The following DNAJC11 variants were observed in gnomAD, a reference collection of about 807,000 sequenced individuals.
The protein encoded by DNAJC11 is dnaJ homolog subfamily C member 11.
A neutral mutation model predicts 78.6 loss-of-function variants in DNAJC11; 15 were observed. The observed-to-expected ratio is 0.19, with a 90% CI of 0.13 to 0.29. The LOEUF is 0.29. Among genes scored for constraint, DNAJC11 ranks in the 10% least tolerant of loss-of-function variants. The pLI, the probability that DNAJC11 is intolerant of heterozygous loss-of-function variation, is 1.00. For missense variants in DNAJC11, 547 were observed against 709.6 expected (o/e 0.77, Z 2.60); for synonymous variants, 292 against 272.1 (o/e 1.07, Z -0.72).
At chr1:6,699,613 G>T (rs2147889778) in intron 1 of DNAJC11, among the ~76,000 whole-genome samples, 1 of 152,326 alleles carries the variant, frequency 6.6e-6, no homozygotes, top group South Asian at 2.1e-4. Context: ...TAAAGGGAAA[G>T]AGACTTAAGG....
chr1:6,646,104 G>GA, intron 7 of DNAJC11, 126 bp from the exon 8 acceptor site: 1 of 913,340 alleles, frequency 1.1e-6, no homozygotes, highest in South Asian at 1.7e-5. Context: ...CCAGCTCCCA[G>GA]TAAAAAAAAA....
rs753742546 is a variant in DNAJC11 at position 6,634,507 on chromosome 1, G to GC, written c.*1167dup. The GC allele has an allele frequency of 1.4e-5, 19 of 1,349,724 alleles. No homozygotes were observed. The highest frequency in any genetic ancestry group is 9.4e-5 in the East Asian group (2 of 21,356). The allele number at this position is 1,349,724 out of a possible 1,614,324, so 83.6% of individuals were successfully genotyped here. ...GGGCTGGAGGCCGGCGCAGCTTGGG[G>GC]CCCCCCGCGCCAGCTGTCTCAGCCA... On this transcript the variant is annotated 3_prime_UTR_variant, in exon 16 of 16. Transcript: ENST00000377577.
At chr1:6,695,384 T>C (rs562644356) in intron 1 of DNAJC11, among the ~76,000 whole-genome samples, 18 of 152,042 alleles carry the variant, frequency 1.2e-4, no homozygotes, top group East Asian at 7.7e-4. Context: ...TACCTACTTA[T>C]GACAGGCAAT....
At chr1:6,698,554 A>G (rs1642876403) in intron 1 of DNAJC11, among the ~76,000 whole-genome samples, 1 of 152,036 alleles carries the variant, frequency 6.6e-6, no homozygotes, top group African/African-American at 2.4e-5. Context: ...GCAAGGGAGC[A>G]TGTTTCATAT....
intron 1 of DNAJC11, among the ~76,000 whole-genome samples, chr1:6,697,686 C>T (rs1222624008): frequency 5.3e-5 from 8 of 152,194 alleles, no homozygotes; most frequent in Non-Finnish European, 1.2e-4. Context: ...GGGTTGAGGA[C>T]CCCTGCTCTA....
intron 1 of DNAJC11, among the ~76,000 whole-genome samples, chr1:6,700,398 G>A (rs1018614447): frequency 5.3e-5 from 8 of 152,218 alleles, no homozygotes; most frequent in East Asian, 1.9e-4. Flanking sequence ...CTCTTCACAC[G>A]GACGCGCGTG....
chr1:6,681,474 T>C (rs1642551565), intron 1 of DNAJC11, among the ~76,000 whole-genome samples: 1 of 152,186 alleles, frequency 6.6e-6, no homozygotes, highest in Non-Finnish European at 1.5e-5. Flanking sequence ...ACATGAATCC[T>C]TGAAATTCAA....
chr1:6,636,964 T>G (rs1641788263), intron 14 of DNAJC11, among the ~76,000 whole-genome samples: 1 of 152,174 alleles, frequency 6.6e-6, no homozygotes, highest in Admixed American at 6.5e-5. Flanking sequence ...TCCTTCCGCT[T>G]CAGCCTCCCG....
intron 4 of DNAJC11, among the ~76,000 whole-genome samples, chr1:6,660,676 G>C (rs1470254408): frequency 6.6e-6 from 1 of 152,152 alleles, no homozygotes; most frequent in African/African-American, 2.4e-5. Context: ...ATTAAACCAA[G>C]TCAACGAAAG....
chr1:6,669,993 G>A (rs531444984), intron 3 of DNAJC11, among the ~76,000 whole-genome samples: 16 of 149,894 alleles, frequency 1.1e-4, no homozygotes, highest in South Asian at 2.1e-4. Context: ...TTGCTTTGTC[G>A]CCCAGGCTGG....
intron 3 of DNAJC11, among the ~76,000 whole-genome samples, chr1:6,674,272 GT>G (rs1377165368): frequency 6.6e-6 from 1 of 151,952 alleles, no homozygotes; most frequent in African/African-American, 2.4e-5. Flanking sequence ...TAAAAAAAAA[GT>G]GGGGGGGCTG....
At chr1:6,646,880 G>A (rs575531279) in intron 7 of DNAJC11, among the ~76,000 whole-genome samples, 2 of 152,080 alleles carry the variant, frequency 1.3e-5, no homozygotes, top group South Asian at 4.2e-4. Flanking sequence ...CAGTAGGCAG[G>A]CTCATTGGCT....
At chr1:6,650,088 C>T (rs1011376230) in intron 7 of DNAJC11, among the ~76,000 whole-genome samples, 4 of 145,206 alleles carry the variant, frequency 2.8e-5, no homozygotes, top group African/African-American at 1.0e-4. Context: ...GTTAAGAGAC[C>T]AGCCTGGCCA....
intron 13 of DNAJC11, 31 bp from the exon 14 acceptor site, chr1:6,637,371 T>G (rs775892167): frequency 6.2e-6 from 10 of 1,614,174 alleles, no homozygotes; most frequent in Non-Finnish European, 6.8e-6. Flanking sequence ...GAGGAAGGCC[T>G]CCTCCAGGCA....
intron 3 of DNAJC11, among the ~76,000 whole-genome samples, chr1:6,673,157 C>T (rs1476790707): frequency 8.1e-6 from 1 of 124,200 alleles, no homozygotes; most frequent in Admixed American, 1.1e-4. Flanking sequence ...GATCGTGCCA[C>T]TTCACTCCAG....
chr1:6,638,196 G>T, intron 12 of DNAJC11, 99 bp downstream of exon 12: 1 of 1,212,414 alleles, frequency 8.2e-7, no homozygotes. Context: ...CAAGTTGTTG[G>T]AGAAGAGAAG....
At chr1:6,681,609 C>T (rs1214681303) in intron 1 of DNAJC11, among the ~76,000 whole-genome samples, 1 of 152,188 alleles carries the variant, frequency 6.6e-6, no homozygotes, top group Non-Finnish European at 1.5e-5. Context: ...CCCAGACCCC[C>T]TAAAAACCAA....
At chr1:6,697,366 ATAATTT>A (rs1158656370) in intron 1 of DNAJC11, among the ~76,000 whole-genome samples, 5 of 152,232 alleles carry the variant, frequency 3.3e-5, no homozygotes, top group Non-Finnish European at 4.4e-5. Context: ...TTCATGGAAG[ATAATTT>A]TTCCACAGAC....
intron 10 of DNAJC11, among the ~76,000 whole-genome samples, chr1:6,642,816 A>G (rs939359903): frequency 3.3e-5 from 5 of 152,150 alleles, no homozygotes; most frequent in Non-Finnish European, 7.4e-5. Context: ...TAGGTATCCA[A>G]GTAGAGATTA....
Sources: allele counts gnomAD v4.1 joint callset (sites outside exome capture counted in the v4.1 genomes callset), GRCh38; gene constraint gnomAD v4.1.1; transcripts MANE v1.5; gene names NCBI Gene and HGNC (gene_info 2026-07-23, HGNC 2026-07-21).